The following SPAG16 variants were observed in gnomAD, a reference collection of about 807,000 sequenced individuals.
SPAG16 encodes sperm associated antigen 16.
In SPAG16, 86 loss-of-function variants were observed where a neutral mutation model predicts 80.4. That is an observed-to-expected ratio of 1.07 (90% CI 0.90 to 1.28). SPAG16 has a LOEUF of 1.28. SPAG16 is among the 50% of genes most tolerant of loss of function. The probability of loss-of-function intolerance (pLI) is 0.00; values close to 1 mark genes in which losing one functional copy is unlikely to be tolerated. For synonymous variants in SPAG16, 294 were observed against 265.9 expected, an observed-to-expected ratio of 1.11 and a Z score of -1.03; for missense variants, 870 against 765.3, an observed-to-expected ratio of 1.14 and a Z score of -1.61.
intron 9 of SPAG16, among the ~76,000 whole-genome samples, chr2:213,489,353 T>C (rs2125724052): frequency 6.6e-6 from 1 of 152,232 alleles, no homozygotes; most frequent in African/African-American, 2.4e-5. Context: ...CTTTGATCTG[T>C]AGCTATGGTT....
At chr2:213,995,632 G>A (rs981326574) in intron 12 of SPAG16, among the ~76,000 whole-genome samples, 2 of 152,092 alleles carry the variant, frequency 1.3e-5, no homozygotes, top group African/African-American at 4.8e-5. Flanking sequence ...TCCCTATGGT[G>A]GTGCCAAGTT....
At chr2:214,400,654 T>C (rs1028300389) in intron 15 of SPAG16, among the ~76,000 whole-genome samples, 3 of 152,028 alleles carry the variant, frequency 2.0e-5, no homozygotes, top group Admixed American at 6.6e-5. Context: ...GGCAAACTTC[T>C]AAAACAGACT....
At chr2:213,721,006 C>T (rs1208516391) in intron 10 of SPAG16, among the ~76,000 whole-genome samples, 4 of 152,130 alleles carry the variant, frequency 2.6e-5, no homozygotes, top group Non-Finnish European at 5.9e-5. Context: ...CCCACCTCAG[C>T]CTCCCAAAGT....
At position 213,951,140 on chromosome 2, in the gene SPAG16, A is replaced by G. The variant is rs368290842; in HGVS notation, c.1400+20995A>G. ...CCCAATATACAAACCTTCAAGCCTT[A>G]GGAGTCAAGTTCTCCTATTTGAAAT... On this transcript the variant is annotated intron_variant, in intron 12 of 15. Transcript: ENST00000331683. Among the ~76,000 whole-genome samples, 6 of 152,096 alleles carry G rather than the reference A, an allele frequency of 3.9e-5. No individual in the cohort carries two copies. In the East Asian group the frequency reaches 9.6e-4, roughly 24 times the overall value.
At chr2:213,901,013 T>G (rs1483270285) in intron 11 of SPAG16, among the ~76,000 whole-genome samples, 1 of 152,200 alleles carries the variant, frequency 6.6e-6, no homozygotes, top group East Asian at 1.9e-4. Context: ...AAATATTTTG[T>G]ATCATTCATT....
intron 13 of SPAG16, among the ~76,000 whole-genome samples, chr2:214,071,945 A>C (rs2050805435): frequency 6.6e-6 from 1 of 152,142 alleles, no homozygotes; most frequent in Non-Finnish European, 1.5e-5. Flanking sequence ...TAGGTTTTAA[A>C]AATTAGTGAA....
At chr2:213,864,979 T>A (rs779304685) in intron 11 of SPAG16, among the ~76,000 whole-genome samples, 3 of 151,986 alleles carry the variant, frequency 2.0e-5, no homozygotes, top group Non-Finnish European at 2.9e-5. Flanking sequence ...GCTAATATGA[T>A]GTCGAAATAT....
intron 10 of SPAG16, among the ~76,000 whole-genome samples, chr2:213,791,594 C>A (rs2070707064): frequency 6.6e-6 from 1 of 152,062 alleles, no homozygotes; most frequent in Non-Finnish European, 1.5e-5. Flanking sequence ...AAATCTGAAA[C>A]TTGAATGGGA....
chr2:214,069,939 AAAC>A, intron 13 of SPAG16, among the ~76,000 whole-genome samples: 1 of 152,126 alleles, frequency 6.6e-6, no homozygotes. Context: ...TTTGTTCAAT[AAAC>A]TGGAGATTGT....
At chr2:213,339,381 G>A (rs999120580) in intron 5 of SPAG16, among the ~76,000 whole-genome samples, 3 of 152,154 alleles carry the variant, frequency 2.0e-5, no homozygotes, top group African/African-American at 7.2e-5. Flanking sequence ...GTAGCACTTT[G>A]TCAGTTATCT....
chr2:213,923,462 G>A (rs1476929843), intron 11 of SPAG16, among the ~76,000 whole-genome samples: 2 of 152,176 alleles, frequency 1.3e-5, no homozygotes, highest in Admixed American at 1.3e-4. Context: ...CTGCCTTGCA[G>A]GGTCAGTGGG....
At chr2:213,699,627 C>T (rs533968645) in intron 10 of SPAG16, among the ~76,000 whole-genome samples, 3 of 152,212 alleles carry the variant, frequency 2.0e-5, no homozygotes, top group African/African-American at 7.2e-5. Context: ...GTCATGGCCC[C>T]TGGAAATGTA....
At chr2:213,947,793 C>G (rs2079540669) in intron 12 of SPAG16, among the ~76,000 whole-genome samples, 1 of 152,134 alleles carries the variant, frequency 6.6e-6, no homozygotes, top group Admixed American at 6.5e-5. Context: ...TTCTATTCTA[C>G]TGATCTATGC....
At chr2:214,298,642 G>A (rs573449740) in intron 15 of SPAG16, among the ~76,000 whole-genome samples, 48 of 152,226 alleles carry the variant, frequency 3.2e-4, no homozygotes, top group African/African-American at 1.1e-3. Flanking sequence ...ACAAGAAAAT[G>A]GGCTGAAGGG....
At chr2:214,395,557 A>G (rs965723038) in intron 15 of SPAG16, among the ~76,000 whole-genome samples, 8 of 152,140 alleles carry the variant, frequency 5.3e-5, no homozygotes, top group Non-Finnish European at 8.8e-5. Flanking sequence ...TTTAGTTTCA[A>G]TGTGCAGATT....
intron 10 of SPAG16, among the ~76,000 whole-genome samples, chr2:213,518,595 G>T (rs2075536520): frequency 6.6e-6 from 1 of 152,188 alleles, no homozygotes; most frequent in Non-Finnish European, 1.5e-5. Context: ...AACAGATGCT[G>T]GTGAGGCTAT....
chr2:213,468,636 AATATCTCCT>A (rs201597043), intron 9 of SPAG16, among the ~76,000 whole-genome samples: 1 of 141,952 alleles, frequency 7.0e-6, no homozygotes, highest in Admixed American at 7.0e-5. Context: ...TATATAAAAT[AATATCTCCT>A]ATATCTCCTA....
At position 213,801,903 on chromosome 2, in the gene SPAG16, A is replaced by G. The variant is rs188691660; in HGVS notation, c.1071-60582A>G. 1.4e-3 allele frequency among the ~76,000 whole-genome samples: 212 copies of G among 152,312 alleles called. 4 individuals are homozygous for G. The highest frequency in any genetic ancestry group is 5.1e-4 in the Non-Finnish European group (35 of 68,022). ...TGATAAGTTTGAGTTTGCTCTATTC[A>G]TTTATAAAATCAGGATGAAACACTT... On this transcript the variant is annotated intron_variant, in intron 10 of 15. Transcript: ENST00000331683.
chr2:213,888,474 A>G (rs1158557969), intron 11 of SPAG16, among the ~76,000 whole-genome samples: 1 of 151,766 alleles, frequency 6.6e-6, no homozygotes. Context: ...CTGACAGTAC[A>G]AGAGAATTGT....
Sources: gnomAD v4.1 joint callset for allele counts (sites outside exome capture counted in the v4.1 genomes callset) on GRCh38, gnomAD v4.1.1 for gene constraint, MANE v1.5 for transcripts, NCBI Gene and HGNC (gene_info 2026-07-23, HGNC 2026-07-21) for gene names.